OR51B5: variants seen among roughly 807,000 people sequenced by gnomAD.
OR51B5 encodes olfactory receptor family 51 subfamily B member 5, also known as olfactory receptor 51B5.
For missense variants in OR51B5, 456 were observed against 374.6 expected (o/e 1.22, Z -1.79); for synonymous variants, 186 against 144.8 (o/e 1.28, Z -2.04).
intron 1 of OR51B5, among the ~76,000 whole-genome samples, chr11:5,365,420 A>G (rs1165960510): frequency 6.6e-6 from 1 of 152,226 alleles, no homozygotes. Context: ...GATCAAGCAT[A>G]CTGTAGAAAT....
At chr11:5,371,839 T>G (rs372010066) in intron 1 of OR51B5, among the ~76,000 whole-genome samples, 6 of 152,156 alleles carry the variant, frequency 3.9e-5, no homozygotes, top group African/African-American at 1.2e-4. Flanking sequence ...TGCCATACAC[T>G]AGATCTCTAA....
chr11:5,482,031 AG>A (rs1339910370), intron 1 of OR51B5, among the ~76,000 whole-genome samples: 1 of 120,186 alleles, frequency 8.3e-6, no homozygotes, highest in African/African-American at 3.7e-5. Context: ...GAACCAAAAA[AG>A]AGCCTGCATC....
At chr11:5,473,292 C>G (rs1389012021) in intron 1 of OR51B5, among the ~76,000 whole-genome samples, 1 of 152,108 alleles carries the variant, frequency 6.6e-6, no homozygotes, top group Non-Finnish European at 1.5e-5. Flanking sequence ...GGGTGTTTGA[C>G]TTTTAAGAAA....
chr11:5,481,923 A>T (rs1286136127), intron 1 of OR51B5, among the ~76,000 whole-genome samples: 2 of 132,908 alleles, frequency 1.5e-5, no homozygotes, highest in Non-Finnish European at 3.1e-5. Context: ...GAAAATGGCC[A>T]TACTGCCCAA....
chr11:5,342,820 A>G (rs1848918581), exon 1 of OR51B5: 1 of 1,613,224 alleles, frequency 6.2e-7, no homozygotes, highest in Non-Finnish European at 8.5e-7. Flanking sequence ...AGGTAATGAG[A>G]GCCTTGGCCC....
chr11:5,351,881 G>A (rs7479477), intron 1 of OR51B5: 403,759 of 1,592,474 alleles, frequency 0.25, 54,655 homozygotes, highest in African/African-American at 0.32. Flanking sequence ...ATTACCATCC[G>A]CAGCCCCTTA....
intron 1 of OR51B5, among the ~76,000 whole-genome samples, chr11:5,366,631 G>C (rs889561636): frequency 2.0e-5 from 3 of 148,544 alleles, no homozygotes; most frequent in African/African-American, 7.5e-5. Context: ...AAGAGAGAGA[G>C]GTAGGGAGGG....
chr11:5,343,440 A>G, exon 1 of OR51B5: 1 of 1,609,518 alleles, frequency 6.2e-7, no homozygotes, highest in African/African-American at 1.3e-5. Flanking sequence ...ATGAACAAGA[A>G]AAATACGGAA....
At chr11:5,378,102 C>A (rs1849555282) in intron 1 of OR51B5, among the ~76,000 whole-genome samples, 3 of 151,764 alleles carry the variant, frequency 2.0e-5, no homozygotes, top group African/African-American at 4.8e-5. Flanking sequence ...GTTACTGGTA[C>A]CAAAACACAG....
Position 5,351,412 on chromosome 11 carries a change from CTTATGAACA to C in OR51B5, n.85-4511_85-4503del, listed in dbSNP as rs748320822. 2.6e-4 allele frequency: 159 copies of C among 620,212 alleles called. 1 individual carries two copies. The highest frequency in any genetic ancestry group is 3.7e-4 in the Non-Finnish European group (143 of 381,910). 38.4% of individuals were successfully genotyped at this position (620,212 alleles called of 1,614,324 possible). On this transcript the variant is annotated intron_variant and non_coding_transcript_variant, in intron 1 of 4. Coordinates refer to the OR51B5 transcript ENST00000415970. ...ACTGAAAGTCAGGACTGGTGAACAT[CTTATGAACA>C]GGTAGAATTCTCAAGGAGCAACTTT...
At chr11:5,407,152 T>C (rs1850069911) in intron 1 of OR51B5, among the ~76,000 whole-genome samples, 1 of 152,128 alleles carries the variant, frequency 6.6e-6, no homozygotes, top group South Asian at 2.1e-4. Context: ...GGGGCATATT[T>C]CTTGATCTGT....
At chr11:5,353,964 C>T (rs969661314) in intron 1 of OR51B5, among the ~76,000 whole-genome samples, 8 of 78,172 alleles carry the variant, frequency 1.0e-4, no homozygotes, top group African/African-American at 3.7e-4. Context: ...CTCAACTTGG[C>T]TGTGTGTGAA....
chr11:5,422,011 T>A (rs1259652274), intron 1 of OR51B5: 1 of 552,950 alleles, frequency 1.8e-6, no homozygotes, highest in East Asian at 2.9e-5. Context: ...GTGGGAGCAG[T>A]CTGCAGAATT....
Position 5,365,371 on chromosome 11 carries a change from G to T in OR51B5, n.85-18461C>A, listed in dbSNP as rs80223253. On this transcript the variant is annotated intron_variant and non_coding_transcript_variant, in intron 1 of 4. Coordinates refer to the OR51B5 transcript ENST00000415970. ...GGCAAACCAATGCATGGCTGGTCCC[G>T]GCATGGCAACAAGTAACCAAATATG... 3.9e-3 allele frequency among the ~76,000 whole-genome samples: 596 copies of T among 152,180 alleles called. 2 individuals are homozygous for T. The highest frequency in any genetic ancestry group is 0.01 in the African/African-American group (427 of 41,500).
intron 1 of OR51B5, among the ~76,000 whole-genome samples, chr11:5,368,392 G>T (rs1849404498): frequency 6.6e-6 from 1 of 152,108 alleles, no homozygotes; most frequent in Non-Finnish European, 1.5e-5. Context: ...TTATTTTAAT[G>T]ATTAAATACA....
intron 1 of OR51B5, among the ~76,000 whole-genome samples, chr11:5,433,504 G>C (rs865880065): frequency 1.2e-4 from 19 of 152,274 alleles, no homozygotes; most frequent in Middle Eastern, 3.4e-3. Context: ...TGGTTACCCA[G>C]TGTTGATGTG....
intron 1 of OR51B5, among the ~76,000 whole-genome samples, chr11:5,458,583 C>T (rs1196897799): frequency 6.6e-6 from 1 of 152,096 alleles, no homozygotes; most frequent in Non-Finnish European, 1.5e-5. Flanking sequence ...TCTTCCTATC[C>T]ACGGGCATGA....
chr11:5,479,769 C>T (rs1379218331), intron 1 of OR51B5, among the ~76,000 whole-genome samples: 3 of 144,156 alleles, frequency 2.1e-5, no homozygotes, highest in African/African-American at 7.7e-5. Context: ...CAAAGAAGGC[C>T]ATTACATAAT....
intron 1 of OR51B5, among the ~76,000 whole-genome samples, chr11:5,413,176 G>A (rs1344964221): frequency 1.3e-5 from 2 of 152,174 alleles, no homozygotes; most frequent in Non-Finnish European, 2.9e-5. Flanking sequence ...AGGCAAACAG[G>A]GCCTGGCATG....
Sources: gnomAD v4.1 joint callset for allele counts (sites outside exome capture counted in the v4.1 genomes callset) on GRCh38, gnomAD v4.1.1 for gene constraint, MANE v1.5 for transcripts, NCBI Gene and HGNC (gene_info 2026-07-23, HGNC 2026-07-21) for gene names.